The following RBBP8 variants were observed in gnomAD, a reference collection of about 807,000 sequenced individuals.
RBBP8 encodes the protein RB binding protein 8, endonuclease.
A neutral mutation model predicts 108.3 loss-of-function variants in RBBP8; 88 were observed. That is an observed-to-expected ratio of 0.81 (90% CI 0.68 to 0.97). The LOEUF (loss-of-function observed/expected upper bound fraction) is 0.97, where lower values mean the gene tolerates loss of function less well. Ranked by LOEUF, RBBP8 falls within the 50% of genes least tolerant of loss-of-function variation. The pLI, the probability that RBBP8 is intolerant of heterozygous loss-of-function variation, is 0.00. For missense variants in RBBP8, 1,023 were observed against 1,049.0 expected, an observed-to-expected ratio of 0.98 and a Z score of 0.34; for synonymous variants, 332 against 348.2, an observed-to-expected ratio of 0.95 and a Z score of 0.52.
At chr18:22,918,840 T>C (rs1909471004) in intron 3 of RBBP8, among the ~76,000 whole-genome samples, 1 of 152,288 alleles carries the variant, frequency 6.6e-6, no homozygotes, top group East Asian at 1.9e-4. Context: ...CTTGAACTCC[T>C]AGCCTCAAGC....
intron 4 of RBBP8, among the ~76,000 whole-genome samples, chr18:22,964,376 T>TG (rs1436499528): frequency 2.6e-5 from 4 of 151,046 alleles, no homozygotes; most frequent in Non-Finnish European, 5.9e-5. Flanking sequence ...GACTTAGGTT[T>TG]TTTTTTTTTT....
rs1277977776 is a variant in RBBP8, at chr18:23,019,398, A to G, written c.2454+2474A>G. 9.2e-5 allele frequency among the ~76,000 whole-genome samples: 14 copies of G among 152,334 alleles called. No homozygotes were observed. In the East Asian group the frequency reaches 2.7e-3, roughly 29 times the overall value. ...GGTAAATCTGTTCTGTTACTCCATC[A>G]TGACCAGAAGTGGAAGTGCCAGTCC... On this transcript the variant is annotated intron_variant, in intron 17 of 18. Transcript: ENST00000327155.
At chr18:23,008,946 T>A (rs578198048) in intron 16 of RBBP8, among the ~76,000 whole-genome samples, 7 of 152,066 alleles carry the variant, frequency 4.6e-5, no homozygotes, top group Non-Finnish European at 8.8e-5. Flanking sequence ...GCTAATTTTT[T>A]GTATTTTTAG....
intron 1 of RBBP8, among the ~76,000 whole-genome samples, chr18:22,935,879 A>G (rs1168537075): frequency 6.6e-6 from 1 of 152,198 alleles, no homozygotes; most frequent in Non-Finnish European, 1.5e-5. Context: ...TTATGACTCT[A>G]AGATGTTTCT....
chr18:22,983,587 C>G (rs62095206), intron 7 of RBBP8, among the ~76,000 whole-genome samples: 2 of 81,892 alleles, frequency 2.4e-5, no homozygotes, highest in African/African-American at 5.8e-5. Flanking sequence ...ATAAGAATAT[C>G]TAGAAAACAA....
At chr18:23,016,797 G>A (rs769561021) in intron 16 of RBBP8, 31 bp from the exon 17 acceptor site, 5 of 1,442,120 alleles carry the variant, frequency 3.5e-6, no homozygotes, top group Middle Eastern at 3.5e-4. Context: ...TGAACTCTAA[G>A]CTTTGTTAAT....
chr18:23,001,240 A>G (rs1036116622), intron 14 of RBBP8, among the ~76,000 whole-genome samples: 3 of 152,206 alleles, frequency 2.0e-5, no homozygotes, highest in Non-Finnish European at 2.9e-5. Flanking sequence ...CACTACCTAT[A>G]TTACATCTAT....
At chr18:22,917,689 A>C (rs1429620003) in intron 3 of RBBP8, among the ~76,000 whole-genome samples, 1 of 152,164 alleles carries the variant, frequency 6.6e-6, no homozygotes, top group Non-Finnish European at 1.5e-5. Context: ...AAAATCAGCA[A>C]TCTTGGAAGG....
chr18:22,986,844 G>T (rs1915361675), intron 8 of RBBP8, among the ~76,000 whole-genome samples: 1 of 152,148 alleles, frequency 6.6e-6, no homozygotes, highest in South Asian at 2.1e-4. Flanking sequence ...CATGTGCATG[G>T]AGGCTCAGGG....
chr18:23,022,651 T>TAAAATAAAATAAAATAAAA, intron 18 of RBBP8, among the ~76,000 whole-genome samples: 1 of 84,372 alleles, frequency 1.2e-5, no homozygotes, highest in Non-Finnish European at 2.3e-5. Flanking sequence ...TAAAATACAA[T>TAAAATAAAATAAAATAAAA]ATAAAATAAA....
chr18:22,975,094 C>T, intron 5 of RBBP8, 59 bp from the exon 6 acceptor site: 2 of 1,505,658 alleles, frequency 1.3e-6, no homozygotes, highest in Non-Finnish European at 1.8e-6. Flanking sequence ...TATTTGAAAG[C>T]CTAACATAGA....
chr18:22,982,437 A>G (rs1372445224), intron 7 of RBBP8, 44 bp downstream of exon 7: 3 of 1,610,858 alleles, frequency 1.9e-6, no homozygotes, highest in African/African-American at 2.7e-5. Flanking sequence ...TTTGTAAACC[A>G]GTGTTCATCT....
upstream of RBBP8, among the ~76,000 whole-genome samples, chr18:22,930,476 C>T (rs1183254593): frequency 1.3e-5 from 2 of 152,296 alleles, no homozygotes; most frequent in Non-Finnish European, 2.9e-5. Context: ...AAAATAACTG[C>T]TTCTCTGTTA....
chr18:22,945,622 G>T (rs529839841), intron 2 of RBBP8, among the ~76,000 whole-genome samples: 7 of 152,198 alleles, frequency 4.6e-5, no homozygotes, highest in Admixed American at 2.0e-4. Context: ...GACCTCGGGT[G>T]ATCTGCCCAC....
chr18:22,933,230 G>A (rs931292670), upstream of RBBP8: 2 of 152,218 alleles, frequency 1.3e-5, no homozygotes, highest in Admixed American at 6.5e-5. Flanking sequence ...CGCCCTCCGG[G>A]ATGGGCCGCA....
chr18:22,918,009 A>C (rs901131917), intron 3 of RBBP8, among the ~76,000 whole-genome samples: 2 of 151,946 alleles, frequency 1.3e-5, no homozygotes, highest in African/African-American at 4.8e-5. Context: ...AAAAAAAAAA[A>C]AAAAACATAT....
At chr18:22,961,192 G>T (rs1401739215) in intron 4 of RBBP8, among the ~76,000 whole-genome samples, 1 of 152,212 alleles carries the variant, frequency 6.6e-6, no homozygotes, top group Admixed American at 6.5e-5. Context: ...AGAAAAACTT[G>T]CATGTGTAGC....
chr18:22,985,082 A>C, intron 8 of RBBP8, 92 bp downstream of exon 8: 1 of 1,540,598 alleles, frequency 6.5e-7, no homozygotes, highest in South Asian at 1.2e-5. Context: ...CAATATTTTA[A>C]AGGTATTTTC....
intron 8 of RBBP8, 54 bp downstream of exon 8, chr18:22,985,044 G>A (rs573393617): frequency 2.5e-6 from 4 of 1,604,524 alleles, no homozygotes; most frequent in African/African-American, 1.3e-5. Flanking sequence ...TTATTGGTGG[G>A]TAACAGTGAC....
Sources: gnomAD v4.1 joint callset for allele counts (sites outside exome capture counted in the v4.1 genomes callset) on GRCh38, gnomAD v4.1.1 for gene constraint, MANE v1.5 for transcripts, NCBI Gene and HGNC (gene_info 2026-07-23, HGNC 2026-07-21) for gene names.